The following ADGRV1 variants were observed in gnomAD, a reference collection of about 807,000 sequenced individuals.
ADGRV1 encodes the protein adhesion G protein-coupled receptor V1, also known as G-protein coupled receptor 98.
Under a neutral mutation model 596.2 loss-of-function variants are expected in ADGRV1, and 359 were observed. The ratio of observed to expected loss-of-function variants is 0.60; its 90% CI spans 0.55 to 0.66. The LOEUF (loss-of-function observed/expected upper bound fraction) is 0.66. ADGRV1 is among the 30% of genes least tolerant of loss of function. The pLI is 0.00. For synonymous variants in ADGRV1, 2,681 were observed against 2,679.2 expected, an observed-to-expected ratio of 1.00 and a Z score of -0.02; for missense variants, 7,274 against 7,575.6, an observed-to-expected ratio of 0.96 and a Z score of 1.48.
intron 85 of ADGRV1, among the ~76,000 whole-genome samples, chr5:90,991,283 G>C (rs371263848): frequency 6.6e-6 from 1 of 152,128 alleles, no homozygotes; most frequent in African/African-American, 2.4e-5. Flanking sequence ...TAATTCATAT[G>C]AATTCAAGCT....
At chr5:90,830,964 C>T (rs1581255378) in intron 77 of ADGRV1, among the ~76,000 whole-genome samples, 1 of 152,204 alleles carries the variant, frequency 6.6e-6, no homozygotes, top group East Asian at 1.9e-4. Flanking sequence ...GTCTGATAGG[C>T]TTTGACTTGG....
At chr5:90,838,041 G>A (rs1765115255) in intron 77 of ADGRV1, among the ~76,000 whole-genome samples, 1 of 152,042 alleles carries the variant, frequency 6.6e-6, no homozygotes, top group African/African-American at 2.4e-5. Flanking sequence ...TTGTTCTATG[G>A]TCCCTGTTTT....
At chr5:91,082,503 T>A (rs115398665) in intron 86 of ADGRV1, among the ~76,000 whole-genome samples, 2,692 of 151,864 alleles carry the variant, frequency 0.018, 73 homozygotes, top group African/African-American at 0.06. Context: ...ATTTTTAAAA[T>A]TTTTTTTACA....
intron 85 of ADGRV1, among the ~76,000 whole-genome samples, chr5:91,059,545 C>T (rs766069909): frequency 5.3e-5 from 8 of 152,244 alleles, no homozygotes; most frequent in Non-Finnish European, 1.2e-4. Flanking sequence ...GCTCATTAGA[C>T]GTGTCTAGTT....
intron 85 of ADGRV1, among the ~76,000 whole-genome samples, chr5:91,049,467 G>T (rs1227911851): frequency 6.6e-6 from 1 of 152,102 alleles, no homozygotes. Context: ...CTTTCCATAT[G>T]GTGATCTACT....
chr5:90,596,517 C>A (rs1417301820), intron 1 of ADGRV1, among the ~76,000 whole-genome samples: 1 of 152,130 alleles, frequency 6.6e-6, no homozygotes, highest in Non-Finnish European at 1.5e-5. Context: ...ACTGAGTGAA[C>A]CAGACTCCGT....
In ADGRV1 at chr5:90,653,504, C is replaced by T. The variant is rs1466390490; in HGVS notation, c.3930C>T (p.Thr1310=). ...IDFLLVGIFP[T]TVHLQQHMRR... Reference sequence around the variant, plus strand: ...TTTTACTGGTTGGAATTTTCCCCACCACCGTGCATTTACAACAGCACATGC... The same window carrying T: ...TTTTACTGGTTGGAATTTTCCCCACTACCGTGCATTTACAACAGCACATGC... Residue 1310 remains threonine (T), a synonymous_variant, in exon 20 of 90, where the codon ACC becomes ACT. Transcript: ENST00000405460. The T allele has an allele frequency of 3.1e-6, 5 of 1,613,910 alleles. No homozygotes were observed. Among genetic ancestry groups the T allele is most frequent in the Non-Finnish European group, 4.2e-6 (5 of 1,179,870 alleles).
chr5:90,578,983 A>C (rs1757604710), intron 1 of ADGRV1, among the ~76,000 whole-genome samples: 1 of 151,194 alleles, frequency 6.6e-6, no homozygotes, highest in Non-Finnish European at 1.5e-5. Context: ...AGTCTATTTG[A>C]TTCTTCTCTC....
chr5:90,778,854 A>G lies in ADGRV1; in HGVS notation c.12850-11A>G. On this transcript the variant is annotated splice_polypyrimidine_tract_variant and intron_variant, in intron 63 of 89. Coordinates refer to ENST00000405460, the MANE Select transcript of ADGRV1 (RefSeq NM_032119.4). ...ACATCCAAATCAAATAAGAAAATGC[A>G]TTTTGCATAGGTTAACATCACAATC... 1 of 1,596,082 alleles carries G rather than the reference A, an allele frequency of 6.3e-7. No homozygotes were observed. Among genetic ancestry groups the G allele is most frequent in the Non-Finnish European group, 8.6e-7 (1 of 1,167,250 alleles).
intron 50 of ADGRV1, among the ~76,000 whole-genome samples, chr5:90,744,285 C>T (rs1266429226): frequency 6.6e-6 from 1 of 152,112 alleles, no homozygotes; most frequent in African/African-American, 2.4e-5. Context: ...CCCAGCCTTG[C>T]TTTGAACTAT....
rs773241795 is a variant in ADGRV1, at chr5:90,653,353, A to G, written c.3779A>G (p.Glu1260Gly). 6.2e-7 allele frequency: 1 copy of G among 1,613,976 alleles called. No homozygotes were observed. The highest frequency in any genetic ancestry group is 2.2e-5 in the East Asian group (1 of 44,880). Reference sequence around the variant, plus strand: ...GAAGTGGCAGAAGATGTCCTGTCTGAAGATGATATGTCTTATATTACCAAC... The same window carrying G: ...GAAGTGGCAGAAGATGTCCTGTCTGGAGATGATATGTCTTATATTACCAAC... ...EREVAEDVLSEDDMSYITNFT... is the reference protein window; with the variant it reads ...EREVAEDVLSGDDMSYITNFT... Residue 1260 changes from glutamate to glycine, a missense_variant, in exon 20 of 90, where the codon GAA (glutamate) becomes GGA (glycine). By Grantham distance (98) the Glu-to-Gly change is moderately conservative. Transcript: ENST00000405460.
chr5:90,756,413 T>TAA, intron 55 of ADGRV1, 41 bp from the exon 56 acceptor site: 1 of 1,336,940 alleles, frequency 7.5e-7, no homozygotes, highest in Non-Finnish European at 1.0e-6. Context: ...TTAAATGTCT[T>TAA]AAAAAAAAAT....
At chr5:91,003,598 C>T (rs988795109) in intron 85 of ADGRV1, among the ~76,000 whole-genome samples, 3 of 152,140 alleles carry the variant, frequency 2.0e-5, no homozygotes, top group Non-Finnish European at 4.4e-5. Context: ...CCTTGATAAA[C>T]AGGGAGGGAA....
At position 90,647,591 on chromosome 5, in the gene ADGRV1, C is replaced by T. The variant is rs1338827370; in HGVS notation, c.3116C>T (p.Ala1039Val). 8 of 1,613,780 alleles carry T rather than the reference C, an allele frequency of 5.0e-6. No homozygotes were observed. The highest frequency in any genetic ancestry group is 6.8e-6 in the Non-Finnish European group (8 of 1,179,844). The change falls in exon 17 of 90, where the codon GCT becomes GTT. Residue 1039 changes from alanine (A) to valine (V), a missense_variant. Physicochemically the swap from Ala to Val is moderately conservative, Grantham distance 64. Around this residue, in one of 5 missense-constraint regions of ADGRV1, gnomAD observed 1,715 missense variants for 1,708.8 expected, o/e 1.00. Transcript: ENST00000405460. ...GATGTGACTTGCATGGTCCAGTATG[C>T]TACCAAGGATGGGAAGGCTACTGCA... Reference protein sequence around the residue: ...SVDVTCMVQYATKDGKATARE... With the variant: ...SVDVTCMVQYVTKDGKATARE...
intron 53 of ADGRV1, 149 bp from the exon 54 acceptor site, chr5:90,753,425 C>T (rs1380503567): frequency 1.8e-6 from 1 of 550,856 alleles, no homozygotes; most frequent in Non-Finnish European, 3.1e-6. Flanking sequence ...TGAAAGACAT[C>T]TGATTTGTAG....
At chr5:90,668,031 T>C (rs1238478325) in intron 21 of ADGRV1, among the ~76,000 whole-genome samples, 4 of 151,900 alleles carry the variant, frequency 2.6e-5, no homozygotes, top group Non-Finnish European at 5.9e-5. Flanking sequence ...GACAGGGACA[T>C]TTAAGTCTGC....
Position 90,965,396 on chromosome 5 carries a change from A to G in ADGRV1, c.17857-19A>G. On this transcript the variant is annotated intron_variant, in intron 83 of 89. Transcript: ENST00000405460. ...CGATTTTAGCATATTTTAAAAATAG[A>G]AGTATCTGTTTCTTACAGATTCTGT... 7.1e-7 allele frequency: 1 copy of G among 1,398,844 alleles called. No individual in the cohort carries two copies. Among genetic ancestry groups the G allele is most frequent in the South Asian group, 1.2e-5 (1 of 86,830 alleles). The allele number at this position is 1,398,844 out of a possible 1,614,324, so 86.7% of individuals were successfully genotyped here.
intron 86 of ADGRV1, among the ~76,000 whole-genome samples, chr5:91,094,234 C>T (rs1291380866): frequency 2.6e-5 from 4 of 151,672 alleles, no homozygotes; most frequent in African/African-American, 4.8e-5. Context: ...CTGAGGCGGG[C>T]GGATCACCGA....
chr5:90,627,829 A>C lies in ADGRV1; in HGVS notation c.1238+53A>C, dbSNP rs2149378131. 3.3e-6 allele frequency: 4 copies of C among 1,208,068 alleles called. 1 individual carries two copies. The South Asian group carries it at 7.2e-5, about 22-fold the overall frequency. 74.8% of individuals were successfully genotyped at this position (1,208,068 alleles called of 1,614,324 possible). A position where few individuals can be genotyped will look rare whatever the true frequency, so the allele number is the denominator to read the frequency against. On this transcript the variant is annotated intron_variant, in intron 7 of 89. Transcript: ENST00000405460. ...CCATTATTTTATTATATTATTCCAGATTTAAGTTTTGTGGTGTTGGACACA... is the reference window on the plus strand; with the variant it reads ...CCATTATTTTATTATATTATTCCAGCTTTAAGTTTTGTGGTGTTGGACACA...
Sources: gnomAD v4.1 joint callset for allele counts (sites outside exome capture counted in the v4.1 genomes callset) on GRCh38, gnomAD v4.1.1 for gene constraint, gnomAD v4.1.1 regional missense constraint, MANE v1.5 for transcripts, NCBI Gene and HGNC (gene_info 2026-07-23, HGNC 2026-07-21) for gene names.